Variants in GPC6 observed in about 807,000 individuals in gnomAD.
GPC6 encodes glypican 6, also known as glypican-6.
Under a neutral mutation model 55.2 loss-of-function variants are expected in GPC6, and 14 were observed. That is an observed-to-expected ratio of 0.25 (90% CI 0.17 to 0.40). GPC6 has a LOEUF of 0.40. Among genes scored for constraint, GPC6 ranks in the 10% least tolerant of loss-of-function variants. The pLI is 1.00. For missense variants in GPC6, 641 were observed against 708.5 expected, an observed-to-expected ratio of 0.90 and a Z score of 1.08; for synonymous variants, 278 against 259.6, an observed-to-expected ratio of 1.07 and a Z score of -0.68.
chr13:93,731,103 T>C (rs374769234), intron 2 of GPC6, among the ~76,000 whole-genome samples: 20 of 152,154 alleles, frequency 1.3e-4, no homozygotes, highest in African/African-American at 4.1e-4. Flanking sequence ...TGGGATACAA[T>C]GAAGGAAAAG....
At chr13:94,360,745 G>A (rs1468564897) in intron 6 of GPC6, among the ~76,000 whole-genome samples, 1 of 152,134 alleles carries the variant, frequency 6.6e-6, no homozygotes, top group Non-Finnish European at 1.5e-5. Flanking sequence ...TTTTTGAAAT[G>A]AGTGAGACCT....
chr13:94,123,664 T>A (rs1427676135), intron 4 of GPC6, among the ~76,000 whole-genome samples: 1 of 151,850 alleles, frequency 6.6e-6, no homozygotes, highest in Non-Finnish European at 1.5e-5. Context: ...CTTAAGCAAC[T>A]GTGTGTGTGT....
chr13:94,057,255 C>T (rs1320994671), intron 4 of GPC6, among the ~76,000 whole-genome samples: 1 of 152,108 alleles, frequency 6.6e-6, no homozygotes, highest in African/African-American at 2.4e-5. Context: ...GAAATACCAG[C>T]CTACTGTTGC....
At chr13:94,327,721 C>T (rs184824114) in intron 6 of GPC6, among the ~76,000 whole-genome samples, 96 of 152,124 alleles carry the variant, frequency 6.3e-4, no homozygotes, top group African/African-American at 2.2e-3. Context: ...AGAGGTTTTT[C>T]GTCTTTGTTT....
At chr13:93,446,710 A>C (rs1878018464) in intron 1 of GPC6, among the ~76,000 whole-genome samples, 1 of 152,178 alleles carries the variant, frequency 6.6e-6, no homozygotes, top group Non-Finnish European at 1.5e-5. Context: ...TGTGACTGAA[A>C]GATATGTAGA....
chr13:93,988,336 C>G (rs1881127004), intron 3 of GPC6, among the ~76,000 whole-genome samples: 1 of 152,148 alleles, frequency 6.6e-6, no homozygotes, highest in Non-Finnish European at 1.5e-5. Flanking sequence ...TATCCCCAGA[C>G]CCTTTGTGCC....
At chr13:94,015,201 T>A (rs1027825059) in intron 3 of GPC6, among the ~76,000 whole-genome samples, 13 of 152,198 alleles carry the variant, frequency 8.5e-5, no homozygotes, top group African/African-American at 2.7e-4. Context: ...CCACACTGGT[T>A]ATTATCTGTC....
At chr13:93,784,900 T>C (rs1308074739) in intron 2 of GPC6, among the ~76,000 whole-genome samples, 2 of 152,162 alleles carry the variant, frequency 1.3e-5, no homozygotes, top group African/African-American at 2.4e-5. Context: ...TCTTGGAGGA[T>C]GTTAAGTTTA....
chr13:94,367,833 T>C (rs1405195601), intron 6 of GPC6, among the ~76,000 whole-genome samples: 4 of 152,028 alleles, frequency 2.6e-5, no homozygotes, highest in East Asian at 1.9e-4. Flanking sequence ...CTACAAAACA[T>C]GTGTTTGTCA....
intron 1 of GPC6, among the ~76,000 whole-genome samples, chr13:93,510,590 T>C (rs1248034104): frequency 6.6e-6 from 1 of 152,092 alleles, no homozygotes; most frequent in Admixed American, 6.6e-5. Flanking sequence ...TCCTTATCTT[T>C]GCTATTGTGA....
At chr13:94,004,232 A>G (rs555947159) in intron 3 of GPC6, among the ~76,000 whole-genome samples, 1 of 152,282 alleles carries the variant, frequency 6.6e-6, no homozygotes, top group South Asian at 2.1e-4. Flanking sequence ...ACTCATGTAG[A>G]GAAAGCAAAA....
rs149003012 is a variant in GPC6 at position 94,039,049 on chromosome 13, T to C, written c.877+11155T>C. On this transcript the variant is annotated intron_variant, in intron 4 of 8. Transcript: ENST00000377047. ...ACCCCTGCTCAAATGAATAAGTGCTTGGTGACACCAGGGGGGGAAAAACAG... is the reference window on the plus strand; with the variant it reads ...ACCCCTGCTCAAATGAATAAGTGCTCGGTGACACCAGGGGGGGAAAAACAG... 2.0e-3 allele frequency among the ~76,000 whole-genome samples: 299 copies of C among 152,050 alleles called. 2 individuals are homozygous for C. The Middle Eastern group carries it at 0.031, about 16-fold the overall frequency.
At chr13:93,772,766 C>T (rs537979059) in intron 2 of GPC6, among the ~76,000 whole-genome samples, 6 of 152,130 alleles carry the variant, frequency 3.9e-5, no homozygotes, top group East Asian at 1.9e-4. Context: ...TCCTTATCCT[C>T]GGTCCTCAGA....
In GPC6 at chr13:93,352,306, A is replaced by G. The variant is rs960615496; in HGVS notation, c.160+124690A>G. 7.2e-5 allele frequency among the ~76,000 whole-genome samples: 11 copies of G among 152,310 alleles called. 1 individual carries two copies. The highest frequency in any genetic ancestry group is 7.2e-4 in the Admixed American group (11 of 15,298). Reference sequence around the variant, plus strand: ...TATTCCAATAAAATTTTATTTACAAAAATTTATTCTTTTTAAAATTGAGCA... The same window carrying G: ...TATTCCAATAAAATTTTATTTACAAGAATTTATTCTTTTTAAAATTGAGCA... On this transcript the variant is annotated intron_variant, in intron 1 of 8. Coordinates refer to ENST00000377047, the MANE Select transcript of GPC6 (RefSeq NM_005708.5).
At chr13:93,243,061 G>A (rs1178699248) in intron 1 of GPC6, among the ~76,000 whole-genome samples, 3 of 152,150 alleles carry the variant, frequency 2.0e-5, no homozygotes, top group African/African-American at 7.2e-5. Context: ...CCAATATAAT[G>A]CCCTCGAGAA....
chr13:93,640,013 A>G (rs950309702), intron 2 of GPC6, among the ~76,000 whole-genome samples: 3 of 152,262 alleles, frequency 2.0e-5, no homozygotes, highest in African/African-American at 4.8e-5. Flanking sequence ...CTACTTCCCA[A>G]TAATTACTAC....
At chr13:94,188,852 C>T (rs1252038888) in intron 4 of GPC6, among the ~76,000 whole-genome samples, 1 of 152,146 alleles carries the variant, frequency 6.6e-6, no homozygotes, top group African/African-American at 2.4e-5. Flanking sequence ...GAGCTTTCCT[C>T]AAAGTCTCAC....
intron 1 of GPC6, among the ~76,000 whole-genome samples, chr13:93,336,350 C>G (rs1350464505): frequency 6.6e-6 from 1 of 152,210 alleles, no homozygotes; most frequent in Non-Finnish European, 1.5e-5. Flanking sequence ...TAGGGTTCCC[C>G]TTATATAATA....
intron 2 of GPC6, among the ~76,000 whole-genome samples, chr13:93,801,716 G>A (rs1886376750): frequency 6.6e-6 from 1 of 152,148 alleles, no homozygotes; most frequent in South Asian, 2.1e-4. Context: ...ATTGTTTCAT[G>A]TTGGTTTATT....
Sources: gnomAD v4.1 joint callset for allele counts (sites outside exome capture counted in the v4.1 genomes callset) on GRCh38, gnomAD v4.1.1 for gene constraint, MANE v1.5 for transcripts, NCBI Gene and HGNC (gene_info 2026-07-23, HGNC 2026-07-21) for gene names.